PLEKHG2: variants seen among roughly 807,000 people sequenced by gnomAD.
The protein encoded by PLEKHG2 is pleckstrin homology domain-containing family G member 2.
In PLEKHG2, 71 loss-of-function variants were observed where a neutral mutation model predicts 104.4. The observed-to-expected ratio is 0.68, with a 90% CI of 0.56 to 0.83. The LOEUF (loss-of-function observed/expected upper bound fraction) is 0.83. Ranked by LOEUF, PLEKHG2 falls within the 40% of genes least tolerant of loss-of-function variation. The pLI, the probability that PLEKHG2 is intolerant of heterozygous loss-of-function variation, is 0.00. For missense variants in PLEKHG2, 1,730 were observed against 1,809.4 expected, an observed-to-expected ratio of 0.96 and a Z score of 0.80; for synonymous variants, 728 against 737.0, an observed-to-expected ratio of 0.99 and a Z score of 0.20.
chr19:39,422,168 A>G lies in PLEKHG2; in HGVS notation c.1557A>G (p.Ser519=). Residue 519 remains serine (S), a synonymous_variant, in exon 17 of 19, where the codon TCA becomes TCG. Transcript: ENST00000425673. ...CTCCAGAATCTCAGCCACCAGTTTC[A>G]GGCTCTGCACCCCCTGAGGACCTGG... ...LYPPESQPPV[S]GSAPPEDLED... The G allele has an allele frequency of 6.2e-7, 1 of 1,613,220 alleles. No individual in the cohort carries two copies. The highest frequency in any genetic ancestry group is 1.1e-5 in the South Asian group (1 of 90,856).
intron 8 of PLEKHG2, 53 bp downstream of exon 8, chr19:39,417,745 C>A: frequency 4.9e-6 from 2 of 407,628 alleles, no homozygotes; most frequent in Admixed American, 4.0e-5. Context: ...GCGAGGGGGC[C>A]TTGGGGCGGG....
Position 39,425,437 on chromosome 19 carries a change from G to C in PLEKHG2, c.*143G>C. On this transcript the variant is annotated 3_prime_UTR_variant, in exon 19 of 19. Coordinates refer to ENST00000425673, the MANE Select transcript of PLEKHG2 (RefSeq NM_022835.3). ...CTCCTGGTATCTGCATCGGCGAATGGCCCTTCTTGCCTTGATCCACAGGGA... is the reference window on the plus strand; with the variant it reads ...CTCCTGGTATCTGCATCGGCGAATGCCCCTTCTTGCCTTGATCCACAGGGA... 7.6e-7 allele frequency: 1 copy of C among 1,323,050 alleles called. No homozygotes were observed. The highest frequency in any genetic ancestry group is 1.9e-4 in the Middle Eastern group (1 of 5,176). The allele number at this position is 1,323,050 out of a possible 1,614,324, so 82.0% of individuals were successfully genotyped here. A position where few individuals can be genotyped will look rare whatever the true frequency, so the allele number is the denominator to read the frequency against.
chr19:39,417,987 G>A lies in PLEKHG2; in HGVS notation c.965G>A (p.Gly322Glu). Residue 322 changes from glycine to glutamate, a missense_variant, in exon 9 of 19, where the codon GGA (glycine) becomes GAA (glutamate). Coordinates refer to ENST00000425673, the MANE Select transcript of PLEKHG2 (RefSeq NM_022835.3). ...CTGGTGTTGGAGGGCGCGTTCCGAG[G>A]AGGCGGAGGGGGTGGCCCCCGGCTA... ...GELVLEGAFR[G>E]GGGGGPRLRG... 1.9e-6 allele frequency: 3 copies of A among 1,552,494 alleles called. No individual in the cohort carries two copies. Among genetic ancestry groups the A allele is most frequent in the Non-Finnish European group, 2.6e-6 (3 of 1,150,760 alleles).
intron 16 of PLEKHG2, 58 bp downstream of exon 16, chr19:39,421,357 G>A (rs2078697227): frequency 6.4e-7 from 1 of 1,569,740 alleles, no homozygotes; most frequent in African/African-American, 1.4e-5. Context: ...TGATGGAGAA[G>A]GGAGCTTGAG....
In PLEKHG2 at chr19:39,423,275, T is replaced by C. The variant is rs2078728808; in HGVS notation, c.2221T>C (p.Phe741Leu). 1.2e-6 allele frequency: 2 copies of C among 1,613,900 alleles called. No individual in the cohort carries two copies. Among genetic ancestry groups the C allele is most frequent in the South Asian group, 1.1e-5 (1 of 91,092 alleles). The change falls in exon 18 of 19, where the codon TTC (phenylalanine) becomes CTC (leucine). Residue 741 changes from phenylalanine to leucine, a missense_variant. Phe to Leu is a conservative substitution (Grantham distance 22). Transcript: ENST00000425673. ...GPEEDEEGVS[F>L]TDFQPQDVTQ... ...AGAGGAGGATGAAGAAGGGGTATCATTCACAGACTTCCAGCCCCAGGATGT... is the reference window on the plus strand; with the variant it reads ...AGAGGAGGATGAAGAAGGGGTATCACTCACAGACTTCCAGCCCCAGGATGT...
rs953500114 is a variant in PLEKHG2 at position 39,415,950 on chromosome 19, G to A, written c.480-398G>A. Reference sequence around the variant, plus strand: ...TCGTCCTAGGAAACTGCTCAGTCCCGGACAAACCAGGATGGTTGGTCACTG... The same window carrying A: ...TCGTCCTAGGAAACTGCTCAGTCCCAGACAAACCAGGATGGTTGGTCACTG... On this transcript the variant is annotated intron_variant, in intron 4 of 18. Transcript: ENST00000425673. The surrounding 1 kb of genome is among the most constrained non-coding windows in gnomAD (Gnocchi z 4.6). 3.9e-5 allele frequency among the ~76,000 whole-genome samples: 6 copies of A among 152,120 alleles called. No homozygotes were observed. The highest frequency in any genetic ancestry group is 9.7e-5 in the African/African-American group (4 of 41,406).
rs2078690147 is a variant in PLEKHG2, at chr19:39,420,946, C to T, written c.1400-3C>T. On this transcript the variant is annotated splice_polypyrimidine_tract_variant and splice_region_variant and intron_variant, in intron 13 of 18. Coordinates refer to ENST00000425673, the MANE Select transcript of PLEKHG2 (RefSeq NM_022835.3). ...CACAGGGCTCTGGCCCTCCCTCCCA[C>T]AGCTCCATCTCCTGGGCCCTCTGTG... The T allele has an allele frequency of 2.5e-6, 4 of 1,613,972 alleles. No homozygotes were observed. The highest frequency in any genetic ancestry group is 1.7e-6 in the Non-Finnish European group (2 of 1,180,026).
rs2145991463 is a variant in PLEKHG2 at position 39,418,053 on chromosome 19, T to C, written c.1031T>C (p.Leu344Pro). The C allele has an allele frequency of 6.5e-7, 1 of 1,545,636 alleles. No individual in the cohort carries two copies. The highest frequency in any genetic ancestry group is 8.7e-7 in the Non-Finnish European group (1 of 1,146,436). ...CTGCTCTTCCTGTTCTCTCGGATGC[T>C]GCTGGTGGCCAAGCGCAGGGGGCTG... Reference protein sequence around the residue: ...ERLLFLFSRMLLVAKRRGLEY... With the variant: ...ERLLFLFSRMPLVAKRRGLEY... The change falls in exon 9 of 19, where the codon CTG becomes CCG. Residue 344 changes from leucine (L) to proline (P), a missense_variant. Physicochemically the swap from Leu to Pro is moderately conservative, Grantham distance 98. Transcript: ENST00000425673.
rs1184016184 is a variant in PLEKHG2 at position 39,424,218 on chromosome 19, G to A, written c.3085G>A (p.Asp1029Asn). ...TPALPKEICS[D>N]FTVSVTTPVP... Reference sequence around the variant, plus strand: ...AGCTTTGCCCAAGGAGATTTGTTCTGATTTCACAGTTTCAGTCACCACCCC... The same window carrying A: ...AGCTTTGCCCAAGGAGATTTGTTCTAATTTCACAGTTTCAGTCACCACCCC... The change falls in exon 19 of 19, where the codon GAT (aspartate) becomes AAT (asparagine). Residue 1029 changes from aspartate (D) to asparagine (N), a missense_variant. Physicochemically the swap from Asp to Asn is conservative, Grantham distance 23 (BLOSUM62 1). Transcript: ENST00000425673. 5 of 1,614,008 alleles carry A rather than the reference G, an allele frequency of 3.1e-6. No homozygotes were observed. Among genetic ancestry groups the A allele is most frequent in the African/African-American group, 1.3e-5 (1 of 74,970 alleles).
In PLEKHG2 at chr19:39,423,585, G is replaced by C. The variant is rs201914405; in HGVS notation, c.2531G>C (p.Arg844Pro). ...AETRASANAP[R>P]RRPRVLAQPQ... Reference sequence around the variant, plus strand: ...ACTCGGGCATCAGCCAATGCCCCGCGCCGCCGGCCTCGGGTTCTGGCCCAA... The same window carrying C: ...ACTCGGGCATCAGCCAATGCCCCGCCCCGCCGGCCTCGGGTTCTGGCCCAA... The change falls in exon 18 of 19, where the codon CGC becomes CCC. Residue 844 changes from arginine to proline, a missense_variant. Transcript: ENST00000425673. The C allele has an allele frequency of 4.8e-4, 735 of 1,533,656 alleles. 7 individuals carry two copies. The Middle Eastern group carries it at 0.013, about 28-fold the overall frequency.
chr19:39,414,528 G>A (rs1221684577), intron 2 of PLEKHG2, among the ~76,000 whole-genome samples: 1 of 152,194 alleles, frequency 6.6e-6, no homozygotes, highest in Non-Finnish European at 1.5e-5. Flanking sequence ...ATGTGCAAAG[G>A]CCCAGCGGTG....
At position 39,416,364 on chromosome 19, in the gene PLEKHG2, T is replaced by G; in HGVS notation, c.496T>G (p.Leu166Val). Residue 166 changes from leucine to valine, a missense_variant, in exon 5 of 19, where the codon TTG (leucine) becomes GTG (valine). Coordinates refer to ENST00000425673, the MANE Select transcript of PLEKHG2 (RefSeq NM_022835.3). The surrounding 1 kb of genome is among the most constrained non-coding windows in gnomAD (Gnocchi z 4.5). ...YEFSSELLED[L>V]ENSSSAGGIA... Reference sequence around the variant, plus strand: ...CCCCTGTAGCGAGCTCCTGGAGGACTTGGAGAACAGCAGCAGCGCCGGGGG... The same window carrying G: ...CCCCTGTAGCGAGCTCCTGGAGGACGTGGAGAACAGCAGCAGCGCCGGGGG... The G allele has an allele frequency of 6.2e-7, 1 of 1,612,760 alleles. No individual in the cohort carries two copies. Among genetic ancestry groups the G allele is most frequent in the Non-Finnish European group, 8.5e-7 (1 of 1,179,674 alleles).
chr19:39,419,727 A>C (rs979062078), intron 11 of PLEKHG2, among the ~76,000 whole-genome samples: 2 of 152,066 alleles, frequency 1.3e-5, no homozygotes, highest in African/African-American at 4.8e-5. Context: ...AATACAAAAA[A>C]TTAGCCAGGC....
Position 39,422,253 on chromosome 19 carries a change from G to A in PLEKHG2, c.1642G>A (p.Glu548Lys). ...GACCTCAATCACTGAAGAAATCCTGGAACTGCTGAATCAGCGAGGCCTTCG... is the reference window on the plus strand; with the variant it reads ...GACCTCAATCACTGAAGAAATCCTGAAACTGCTGAATCAGCGAGGCCTTCG... ...SGTSITEEIL[E>K]LLNQRGLRDP... The change falls in exon 17 of 19, where the codon GAA (glutamate) becomes AAA (lysine). Residue 548 changes from glutamate to lysine, a missense_variant. By Grantham distance (56) the Glu-to-Lys change is moderately conservative (BLOSUM62 1). Coordinates refer to ENST00000425673, the MANE Select transcript of PLEKHG2 (RefSeq NM_022835.3). The A allele has an allele frequency of 6.2e-7, 1 of 1,613,440 alleles. No homozygotes were observed. Among genetic ancestry groups the A allele is most frequent in the Non-Finnish European group, 8.5e-7 (1 of 1,179,728 alleles).
At chr19:39,422,439 G>A (rs1486473194) in intron 17 of PLEKHG2, 151 bp downstream of exon 17, 28 of 922,624 alleles carry the variant, frequency 3.0e-5, no homozygotes, top group Admixed American at 6.5e-5. Flanking sequence ...GTGCAGTGGC[G>A]CCATCTCGGC....
chr19:39,414,092 T>C lies in PLEKHG2; in HGVS notation c.6T>C (p.Pro2=). M[P]EGAQGLSLSK... ...CTCTGCTGGGCCGCTCAGCCATGCC[T>C]GAGGGAGCCCAAGGACTGAGCCTCT... is the stretch of plus-strand genomic sequence containing the variant. Residue 2 remains proline, a synonymous_variant, in exon 2 of 19, where the codon CCT becomes CCC. Coordinates refer to ENST00000425673, the MANE Select transcript of PLEKHG2 (RefSeq NM_022835.3). 6.4e-7 allele frequency: 1 copy of C among 1,551,192 alleles called. No individual in the cohort carries two copies.
chr19:39,421,515 A>G (rs1203853250), intron 16 of PLEKHG2, among the ~76,000 whole-genome samples: 1 of 152,068 alleles, frequency 6.6e-6, no homozygotes, highest in Non-Finnish European at 1.5e-5. Context: ...GCAAAACCCC[A>G]TCTCTACAAA....
In PLEKHG2 at chr19:39,424,012, G is replaced by A. The variant is rs778208773; in HGVS notation, c.2879G>A (p.Gly960Asp). The change falls in exon 19 of 19, where the codon GGC becomes GAC. Residue 960 changes from glycine to aspartate, a missense_variant. Coordinates refer to ENST00000425673, the MANE Select transcript of PLEKHG2 (RefSeq NM_022835.3). ...PAATPLPKQE[G>D]PLHLQVPALT... is the part of the protein sequence containing the mutation. The stretch of plus-strand genomic sequence containing the variant: ...GCCACACCTTTGCCCAAGCAAGAAG[G>A]CCCCCTGCACCTCCAGGTGCCGGCT... 70 of 1,613,994 alleles carry A rather than the reference G, an allele frequency of 4.3e-5. 1 individual carries two copies. Among genetic ancestry groups the A allele is most frequent in the South Asian group, 2.5e-4 (23 of 91,068 alleles).
chr19:39,414,406 G>A (rs1005939775), intron 2 of PLEKHG2, among the ~76,000 whole-genome samples: 5 of 152,258 alleles, frequency 3.3e-5, no homozygotes, highest in Non-Finnish European at 7.3e-5. Context: ...TCTGAGCTCG[G>A]AAGGTCAGGG....
Sources: gnomAD v4.1 joint callset for allele counts (sites outside exome capture counted in the v4.1 genomes callset) on GRCh38, gnomAD v4.1.1 for gene constraint, Gnocchi (gnomAD v3.1) non-coding constraint, MANE v1.5 for transcripts, NCBI Gene and HGNC (gene_info 2026-07-23, HGNC 2026-07-21) for gene names.